TICRR: variants seen among roughly 807,000 people sequenced by gnomAD.
TICRR encodes the protein TOPBP1 interacting checkpoint and replication regulator.
In TICRR, 132 loss-of-function variants were observed where a neutral mutation model predicts 178.1. The observed-to-expected ratio is 0.74, with a 90% CI of 0.64 to 0.86. TICRR has a LOEUF of 0.86. Ranked by LOEUF, TICRR falls within the 40% of genes least tolerant of loss-of-function variation. TICRR has a pLI of 0.00. For synonymous variants in TICRR, 991 were observed against 900.7 expected (o/e 1.10, Z -1.79); for missense variants, 2,587 against 2,334.3 (o/e 1.11, Z -2.23).
chr15:89,617,052 C>T (rs1464546675), intron 16 of TICRR, among the ~76,000 whole-genome samples: 1 of 152,184 alleles, frequency 6.6e-6, no homozygotes, highest in Non-Finnish European at 1.5e-5. Context: ...AGGCAGCAAA[C>T]AGAAAACCCA....
chr15:89,601,180 A>G (rs984887357), intron 9 of TICRR, 118 bp from the exon 10 acceptor site: 7 of 746,916 alleles, frequency 9.4e-6, no homozygotes, highest in Admixed American at 3.0e-5. Flanking sequence ...TAGAAAAGGC[A>G]CTGGCTCTCC....
rs149503501 is a variant in TICRR at position 89,624,151 on chromosome 15, G to C, written c.3841G>C (p.Ala1281Pro). 4.1e-3 allele frequency: 6,568 copies of C among 1,613,852 alleles called. 297 individuals are homozygous for C. The Admixed American group carries it at 0.081, about 20-fold the overall frequency. Residue 1281 changes from alanine (A) to proline (P), a missense_variant, in exon 20 of 22, where the codon GCC becomes CCC. Ala to Pro is a conservative substitution (Grantham distance 27). Coordinates refer to ENST00000268138, the MANE Select transcript of TICRR (RefSeq NM_152259.4). ...VLRAARAEEP[A>P]QKLKDKAIKT... ...CAGAGCTGCTCGGGCAGAGGAACCA[G>C]CCCAGAAACTAAAGGATAAAGCTAT...
chr15:89,625,501 A>T lies in TICRR; in HGVS notation c.5191A>T (p.Arg1731Trp), dbSNP rs766822354. Residue 1731 changes from arginine to tryptophan, a missense_variant, in exon 20 of 22, where the codon AGG (arginine) becomes TGG (tryptophan). Transcript: ENST00000268138. Reference protein sequence around the residue: ...KDHGLELSIHRTPILEDFELE... With the variant: ...KDHGLELSIHWTPILEDFELE... ...CCACGGCCTTGAACTCAGCATCCAC[A>T]GGACGCCCATCTTGGAGGATTTTGA... The T allele has an allele frequency of 6.2e-7, 1 of 1,613,930 alleles. No individual in the cohort carries two copies. Among genetic ancestry groups the T allele is most frequent in the Non-Finnish European group, 8.5e-7 (1 of 1,180,016 alleles).
At chr15:89,602,504 A>G (rs1309160986) in intron 12 of TICRR, among the ~76,000 whole-genome samples, 1 of 152,102 alleles carries the variant, frequency 6.6e-6, no homozygotes, top group Non-Finnish European at 1.5e-5. Flanking sequence ...CCTATTTCAC[A>G]AAGTCTTCTT....
chr15:89,576,347 T>C lies in TICRR; in HGVS notation c.654+107T>C, dbSNP rs1042284345. Reference sequence around the variant, plus strand: ...CCACAGACCCCGAATGAGACTAATATGACTATGCGTCCCTTCGGAAGGAAA... The same window carrying C: ...CCACAGACCCCGAATGAGACTAATACGACTATGCGTCCCTTCGGAAGGAAA... On this transcript the variant is annotated intron_variant, in intron 1 of 21. Coordinates refer to ENST00000268138, the MANE Select transcript of TICRR (RefSeq NM_152259.4). 7 of 1,041,006 alleles carry C rather than the reference T, an allele frequency of 6.7e-6. No individual in the cohort carries two copies. In the African/African-American group the frequency reaches 8.1e-5, roughly 12 times the overall value. The allele number at this position is 1,041,006 out of a possible 1,614,324, so 64.5% of individuals were successfully genotyped here.
At chr15:89,605,652 C>A (rs1286346305) in intron 13 of TICRR, among the ~76,000 whole-genome samples, 1 of 152,206 alleles carries the variant, frequency 6.6e-6, no homozygotes, top group African/African-American at 2.4e-5. Flanking sequence ...GCCTCTGCGC[C>A]CAGCCGGATG....
At chr15:89,587,396 G>A (rs1962840440) in intron 4 of TICRR, among the ~76,000 whole-genome samples, 1 of 152,170 alleles carries the variant, frequency 6.6e-6, no homozygotes, top group Admixed American at 6.5e-5. Context: ...CATCAGTGAT[G>A]TTTTAAAGCC....
rs1053360547 is a variant in TICRR at position 89,627,243 on chromosome 15, A to G, written c.*157A>G. The G allele has an allele frequency of 2.0e-5, 17 of 829,416 alleles. No homozygotes were observed. The African/African-American group carries it at 2.2e-4, about 11-fold the overall frequency. The allele number at this position is 829,416 out of a possible 1,614,324, so 51.4% of individuals were successfully genotyped here. ...TTTTCTAATTCCCCTTATGGATCCA[A>G]TCCATCTCCTGGCCCTGCCCCTTGT... On this transcript the variant is annotated 3_prime_UTR_variant, in exon 22 of 22. Coordinates refer to ENST00000268138, the MANE Select transcript of TICRR (RefSeq NM_152259.4).
chr15:89,585,563 C>T lies in TICRR; in HGVS notation c.1177-145C>T, dbSNP rs1962806185. On this transcript the variant is annotated intron_variant, in intron 3 of 21. Transcript: ENST00000268138. ...CTGTGATTAATAAATTCCCTTCTACCTCTATTAATGATCAAATCTATCTTT... is the reference window on the plus strand; with the variant it reads ...CTGTGATTAATAAATTCCCTTCTACTTCTATTAATGATCAAATCTATCTTT... 5 of 649,516 alleles carry T rather than the reference C, an allele frequency of 7.7e-6. No individual in the cohort carries two copies. In the East Asian group the frequency reaches 1.4e-4, roughly 18 times the overall value. The allele number at this position is 649,516 out of a possible 1,614,324, so 40.2% of individuals were successfully genotyped here. A position where few individuals can be genotyped will look rare whatever the true frequency, so the allele number is the denominator to read the frequency against.
intron 13 of TICRR, among the ~76,000 whole-genome samples, chr15:89,605,969 T>C (rs980054641): frequency 3.3e-5 from 5 of 152,226 alleles, no homozygotes; most frequent in African/African-American, 1.2e-4. Flanking sequence ...AGCCTCCCTC[T>C]AATTAATGTA....
chr15:89,591,421 A>C (rs1596043227), intron 4 of TICRR: 1 of 151,966 alleles, frequency 6.6e-6, no homozygotes, highest in Middle Eastern at 3.4e-3. Flanking sequence ...ACCGTACCCA[A>C]CCATACAAAG....
intron 7 of TICRR, among the ~76,000 whole-genome samples, chr15:89,597,753 A>G (rs1332992918): frequency 1.3e-5 from 2 of 152,180 alleles, no homozygotes; most frequent in Non-Finnish European, 2.9e-5. Flanking sequence ...AAACTTTAGA[A>G]TCAGTTTGTC....
Position 89,609,029 on chromosome 15 carries a change from G to A in TICRR, c.2869+80G>A, listed in dbSNP as rs192973593. 1.6e-5 allele frequency: 19 copies of A among 1,205,626 alleles called. No homozygotes were observed. The Admixed American group carries it at 5.2e-4, about 33-fold the overall frequency. 74.7% of individuals were successfully genotyped at this position (1,205,626 alleles called of 1,614,324 possible). Reference sequence around the variant, plus strand: ...TAGTAATGTACCGTCTTTCTTTCCTGATTTAGTAATTTGAGTCTTCTTCCC... The same window carrying A: ...TAGTAATGTACCGTCTTTCTTTCCTAATTTAGTAATTTGAGTCTTCTTCCC... On this transcript the variant is annotated intron_variant, in intron 15 of 21. Coordinates refer to ENST00000268138, the MANE Select transcript of TICRR (RefSeq NM_152259.4).
intron 15 of TICRR, among the ~76,000 whole-genome samples, chr15:89,614,579 C>G (rs556292182): frequency 6.6e-6 from 1 of 152,326 alleles, no homozygotes; most frequent in Admixed American, 6.5e-5. Context: ...AGTCCGCCTG[C>G]CTCAGCCTCC....
chr15:89,620,765 C>T (rs188705396), intron 18 of TICRR, among the ~76,000 whole-genome samples: 22 of 152,280 alleles, frequency 1.4e-4, no homozygotes, highest in Admixed American at 1.1e-3. Context: ...CTCTGTTGCC[C>T]AGGCTGGAGT....
intron 7 of TICRR, 134 bp from the exon 8 acceptor site, chr15:89,599,190 C>T (rs58132044): frequency 0.21 from 90,857 of 441,676 alleles, 15,202 homozygotes; most frequent in South Asian, 0.33. Flanking sequence ...CCACCACCAT[C>T]AGTCATGACA....
intron 8 of TICRR, 36 bp downstream of exon 8, chr15:89,599,511 G>T (rs758284420): frequency 6.3e-7 from 1 of 1,589,134 alleles, no homozygotes; most frequent in African/African-American, 1.4e-5. Context: ...TGTCATGGAT[G>T]TAGTGGTTGG....
rs1008327327 is a variant in TICRR, at chr15:89,595,585, G to C, written c.1874G>C (p.Arg625Thr). 1.2e-6 allele frequency: 2 copies of C among 1,613,858 alleles called. No homozygotes were observed. Among genetic ancestry groups the C allele is most frequent in the African/African-American group, 2.7e-5 (2 of 74,914 alleles). The change falls in exon 7 of 22, where the codon AGA becomes ACA. Residue 625 changes from arginine to threonine, a missense_variant. Physicochemically the swap from Arg to Thr is moderately conservative, Grantham distance 71. Coordinates refer to ENST00000268138, the MANE Select transcript of TICRR (RefSeq NM_152259.4). ...GTGGATAAATTGGAAGACAGAGGAAGAACACTAAGAAGTTCTAAACCTAAA... is the reference window on the plus strand; with the variant it reads ...GTGGATAAATTGGAAGACAGAGGAACAACACTAAGAAGTTCTAAACCTAAA... ...RTVDKLEDRG[R>T]TLRSSKPKDF...
At position 89,584,469 on chromosome 15, in the gene TICRR, C is replaced by G. The variant is rs1962785615; in HGVS notation, c.1118C>G (p.Thr373Ser). The G allele has an allele frequency of 3.7e-6, 6 of 1,606,746 alleles. No individual in the cohort carries two copies. Among genetic ancestry groups the G allele is most frequent in the Non-Finnish European group, 5.1e-6 (6 of 1,175,956 alleles). Reference protein sequence around the residue: ...MLGSPEESTATQRLLFQQLVS... With the variant: ...MLGSPEESTASQRLLFQQLVS... ...GGAAGTCCAGAGGAGAGCACAGCAA[C>G]TCAAAGGCTGTTATTTCAGCAGTTG... Residue 373 changes from threonine to serine, a missense_variant, in exon 3 of 22, where the codon ACT (threonine) becomes AGT (serine). Thr to Ser is a moderately conservative substitution (Grantham distance 58). Transcript: ENST00000268138.
Sources: allele counts gnomAD v4.1 joint callset (sites outside exome capture counted in the v4.1 genomes callset), GRCh38; gene constraint gnomAD v4.1.1; transcripts MANE v1.5; gene names NCBI Gene and HGNC (gene_info 2026-07-23, HGNC 2026-07-21).